Variants in RAD51B observed in about 807,000 individuals in gnomAD.
The protein encoded by RAD51B is DNA repair protein RAD51 homolog 2.
In RAD51B, 38 loss-of-function variants were observed where a neutral mutation model predicts 42.2. The ratio of observed to expected loss-of-function variants is 0.90; its 90% CI spans 0.70 to 1.18. RAD51B has a LOEUF of 1.18. Among genes scored for constraint, RAD51B ranks in the 50% most tolerant of loss-of-function variants. The pLI, the probability that RAD51B is intolerant of heterozygous loss-of-function variation, is 0.00. For missense variants in RAD51B, 373 were observed against 400.7 expected (o/e 0.93, Z 0.59); for synonymous variants, 154 against 145.2 (o/e 1.06, Z -0.43).
intron 9 of RAD51B, 28 bp from the exon 10 acceptor site, chr14:68,468,144 A>C (rs772127794): frequency 6.3e-7 from 1 of 1,599,468 alleles, no homozygotes; most frequent in East Asian, 2.2e-5. Flanking sequence ...CCTTTGACTA[A>C]CCCTAGAAAA....
At position 68,492,970 on chromosome 14, in the gene RAD51B, C is replaced by G. The variant is rs147339230; in HGVS notation, c.1036+24720C>G. Among the ~76,000 whole-genome samples the G allele has an allele frequency of 5.7e-4, 87 of 152,324 alleles. No homozygotes were observed. The East Asian group carries it at 0.015, about 26-fold the overall frequency. On this transcript the variant is annotated intron_variant, in intron 10 of 10. Coordinates refer to the RAD51B transcript ENST00000487270. ...TCAGAGCCAGGATTTAAATTCTTCT[C>G]AGACAAGCTGCAGCCTCTCTGATCC...
intron 10 of RAD51B, among the ~76,000 whole-genome samples, chr14:68,625,439 C>T (rs1892056223): frequency 6.6e-6 from 1 of 152,186 alleles, no homozygotes; most frequent in South Asian, 2.1e-4. Context: ...CTCTCCTAAG[C>T]TCTGAGTAGA....
chr14:68,047,657 G>C (rs888857646), intron 7 of RAD51B, among the ~76,000 whole-genome samples: 1 of 152,092 alleles, frequency 6.6e-6, no homozygotes. Flanking sequence ...AATGTGCCAG[G>C]CACTGTGTTA....
chr14:68,416,004 CTAA>C (rs2084547567), intron 9 of RAD51B, among the ~76,000 whole-genome samples: 1 of 152,000 alleles, frequency 6.6e-6, no homozygotes, highest in African/African-American at 2.4e-5. Context: ...AATGAACTTT[CTAA>C]TAATATTTTC....
At chr14:68,610,828 C>T (rs1891645870) in intron 10 of RAD51B, among the ~76,000 whole-genome samples, 1 of 135,520 alleles carries the variant, frequency 7.4e-6, no homozygotes, top group African/African-American at 2.8e-5. Flanking sequence ...CTATTATAAC[C>T]ACATCTGAAT....
At chr14:68,234,103 G>A (rs1439049420) in intron 7 of RAD51B, among the ~76,000 whole-genome samples, 1 of 152,184 alleles carries the variant, frequency 6.6e-6, no homozygotes, top group African/African-American at 2.4e-5. Flanking sequence ...TGAAGGGACA[G>A]ATTTGAGATG....
intron 8 of RAD51B, among the ~76,000 whole-genome samples, chr14:68,302,350 C>G (rs528316743): frequency 6.6e-5 from 10 of 152,284 alleles, no homozygotes; most frequent in African/African-American, 1.2e-4. Flanking sequence ...TTTTGGGGAA[C>G]AGATAGGAGT....
At chr14:67,895,269 A>G (rs925735832) in intron 7 of RAD51B, among the ~76,000 whole-genome samples, 5 of 152,216 alleles carry the variant, frequency 3.3e-5, no homozygotes, top group African/African-American at 7.2e-5. Context: ...AGAATTTTCT[A>G]ACTGAAGATC....
intron 10 of RAD51B, among the ~76,000 whole-genome samples, chr14:68,473,401 C>T (rs573516156): frequency 5.3e-5 from 8 of 152,314 alleles, no homozygotes; most frequent in African/African-American, 1.4e-4. Flanking sequence ...TTCTGCCTGC[C>T]TCTTAGTGTG....
chr14:67,935,184 GGA>G (rs1466684993), intron 7 of RAD51B, among the ~76,000 whole-genome samples: 1 of 152,122 alleles, frequency 6.6e-6, no homozygotes, highest in Non-Finnish European at 1.5e-5. Flanking sequence ...GAATCCTTTT[GGA>G]GAGAGTTAAT....
chr14:68,130,151 CTT>C (rs901586967), intron 7 of RAD51B: 9 of 152,192 alleles, frequency 5.9e-5, no homozygotes, highest in African/African-American at 9.7e-5. Context: ...GTCTTGTTTT[CTT>C]GGTATCAGCC....
chr14:68,485,527 C>T (rs12323664), intron 10 of RAD51B, among the ~76,000 whole-genome samples: 3,452 of 152,206 alleles, frequency 0.023, 132 homozygotes, highest in African/African-American at 0.08. Flanking sequence ...TTTGGAGTTA[C>T]TTCCTTTTCA....
At chr14:67,872,727 G>GTTT (rs1482492469) in intron 5 of RAD51B, among the ~76,000 whole-genome samples, 1 of 151,072 alleles carries the variant, frequency 6.6e-6, no homozygotes, top group Non-Finnish European at 1.5e-5. Context: ...CATGGTACTG[G>GTTT]TACCAAAACA....
chr14:68,530,263 G>A (rs1444386139), intron 10 of RAD51B, among the ~76,000 whole-genome samples: 2 of 151,574 alleles, frequency 1.3e-5, no homozygotes, highest in African/African-American at 2.4e-5. Flanking sequence ...GGGCAATGTG[G>A]CGAGACCCCA....
At chr14:67,948,999 A>G (rs935336789) in intron 7 of RAD51B, among the ~76,000 whole-genome samples, 1 of 151,180 alleles carries the variant, frequency 6.6e-6, no homozygotes, top group African/African-American at 2.5e-5. Context: ...TATTGCTAAA[A>G]ATGCTAGTGA....
intron 10 of RAD51B, among the ~76,000 whole-genome samples, chr14:68,572,071 G>A (rs1477835442): frequency 5.3e-5 from 8 of 152,230 alleles, no homozygotes; most frequent in Non-Finnish European, 1.2e-4. Context: ...AGACCCCAGT[G>A]TGTGGCTGTT....
At chr14:67,855,317 G>A (rs1449056844) in intron 4 of RAD51B, among the ~76,000 whole-genome samples, 4 of 151,486 alleles carry the variant, frequency 2.6e-5, no homozygotes, top group South Asian at 2.1e-4. Context: ...TGTAAGCTCC[G>A]CCTCCCGGGT....
intron 7 of RAD51B, among the ~76,000 whole-genome samples, chr14:68,145,087 A>G (rs2078221943): frequency 6.6e-6 from 1 of 152,246 alleles, no homozygotes; most frequent in Non-Finnish European, 1.5e-5. Context: ...TGGAAAAGCC[A>G]TTAAATATTA....
chr14:67,840,821 T>G (rs933870129), intron 4 of RAD51B, among the ~76,000 whole-genome samples: 13 of 144,588 alleles, frequency 9.0e-5, no homozygotes, highest in Non-Finnish European at 1.4e-4. Context: ...TTTTTTTTTT[T>G]GGGACAGAGT....
Sources: gnomAD v4.1 joint callset for allele counts (sites outside exome capture counted in the v4.1 genomes callset) on GRCh38, gnomAD v4.1.1 for gene constraint, MANE v1.5 for transcripts, NCBI Gene and HGNC (gene_info 2026-07-23, HGNC 2026-07-21) for gene names.